ZNF385D: variants seen among roughly 807,000 people sequenced by gnomAD.
ZNF385D encodes zinc finger protein 659.
Under a neutral mutation model 35.8 loss-of-function variants are expected in ZNF385D, and 15 were observed. That is an observed-to-expected ratio of 0.42 (90% confidence interval 0.28 to 0.64). ZNF385D has a LOEUF of 0.64. ZNF385D is among the 30% of genes least tolerant of loss of function. The probability of loss-of-function intolerance (pLI) is 0.23; values close to 1 mark genes in which losing one functional copy is unlikely to be tolerated. For missense variants in ZNF385D, 474 were observed against 494.6 expected (o/e 0.96, Z 0.39); for synonymous variants, 212 against 186.8 (o/e 1.13, Z -1.10).
intron 3 of ZNF385D, among the ~76,000 whole-genome samples, chr3:21,967,566 G>C (rs1702982190): frequency 6.6e-6 from 1 of 152,202 alleles, no homozygotes. Context: ...ATAGAGGGGA[G>C]CTAAATTTTC....
At chr3:22,242,642 G>C (rs1387468699) in intron 2 of ZNF385D, among the ~76,000 whole-genome samples, 1 of 151,104 alleles carries the variant, frequency 6.6e-6, no homozygotes, top group African/African-American at 2.4e-5. Context: ...AGAGACTAAT[G>C]TGACATCGCA....
At chr3:22,329,631 C>T (rs1033554009) in intron 2 of ZNF385D, among the ~76,000 whole-genome samples, 1 of 152,108 alleles carries the variant, frequency 6.6e-6, no homozygotes, top group Non-Finnish European at 1.5e-5. Flanking sequence ...CTCCACCAAT[C>T]CCTCTGATAC....
intron 3 of ZNF385D, among the ~76,000 whole-genome samples, chr3:21,918,275 G>C (rs1261450533): frequency 6.6e-6 from 1 of 152,156 alleles, no homozygotes; most frequent in Non-Finnish European, 1.5e-5. Flanking sequence ...AATTAAGTGT[G>C]TAAACAGAAA....
chr3:22,181,835 T>C (rs778076095), intron 2 of ZNF385D, among the ~76,000 whole-genome samples: 1 of 152,210 alleles, frequency 6.6e-6, no homozygotes, highest in Non-Finnish European at 1.5e-5. Context: ...AGCTTTTTCA[T>C]GTTGTCTTAC....
chr3:21,681,698 G>GAAAAAAAAAAAAAAAAAAAAAAA (rs5847124), intron 1 of ZNF385D, among the ~76,000 whole-genome samples: 1 of 133,224 alleles, frequency 7.5e-6, no homozygotes, highest in African/African-American at 2.8e-5. Flanking sequence ...AAAAAAAAAC[G>GAAAAAAAAAAAAAAAAAAAAAAA]AAAAAAAAAA....
chr3:22,306,553 C>T (rs996613768), intron 2 of ZNF385D, among the ~76,000 whole-genome samples: 10 of 152,006 alleles, frequency 6.6e-5, no homozygotes, highest in African/African-American at 2.2e-4. Context: ...AAGACACTGC[C>T]GTCTATGCAG....
intron 3 of ZNF385D, among the ~76,000 whole-genome samples, chr3:21,514,557 T>C (rs1707439066): frequency 6.6e-6 from 1 of 152,066 alleles, no homozygotes; most frequent in African/African-American, 2.4e-5. Flanking sequence ...TAGCGGAATC[T>C]AAATCAGTCA....
At chr3:22,276,544 T>C (rs1350522587) in intron 2 of ZNF385D, among the ~76,000 whole-genome samples, 1 of 152,138 alleles carries the variant, frequency 6.6e-6, no homozygotes, top group African/African-American at 2.4e-5. Flanking sequence ...TACTTGAAAA[T>C]TGATGACGAT....
At chr3:21,902,901 C>T (rs929465396) in intron 3 of ZNF385D, among the ~76,000 whole-genome samples, 7 of 152,084 alleles carry the variant, frequency 4.6e-5, no homozygotes, top group Non-Finnish European at 1.0e-4. Context: ...GGCTGCTTTA[C>T]TGAAGAGTTT....
Position 21,932,166 on chromosome 3 carries a change from C to CA in ZNF385D, c.325+236650dup, listed in dbSNP as rs543138588. Among the ~76,000 whole-genome samples the CA allele has an allele frequency of 3.3e-3, 181 of 55,334 alleles. 22 individuals carry two copies. Among genetic ancestry groups the CA allele is most frequent in the African/African-American group, 8.6e-3 (109 of 12,628 alleles). 36.3% of individuals were successfully genotyped at this position (55,334 alleles called of 152,430 possible). ...TGGGCGAAAGAGCAAGACTCATTCT[C>CA]AAAAAAAAAAAAAAAAAAAAAAAAA... is the stretch of plus-strand genomic sequence containing the variant. On this transcript the variant is annotated intron_variant, in intron 3 of 5. Transcript: ENST00000494108.
intron 3 of ZNF385D, among the ~76,000 whole-genome samples, chr3:21,806,251 C>G (rs558830195): frequency 3.9e-4 from 57 of 147,124 alleles, no homozygotes; most frequent in Non-Finnish European, 7.8e-4. Context: ...TTATACCAAT[C>G]TAAACTCTTT....
At chr3:21,453,810 A>G (rs1443955142) in intron 4 of ZNF385D, among the ~76,000 whole-genome samples, 2 of 152,062 alleles carry the variant, frequency 1.3e-5, no homozygotes, top group African/African-American at 4.8e-5. Context: ...TAGCTTCTCA[A>G]AAAGTTAAAT....
chr3:22,076,588 TTA>T (rs1190471115), intron 3 of ZNF385D, among the ~76,000 whole-genome samples: 1 of 151,928 alleles, frequency 6.6e-6, no homozygotes, highest in Non-Finnish European at 1.5e-5. Flanking sequence ...TTGTAATTGT[TTA>T]TGTTTCCTAG....
intron 1 of ZNF385D, among the ~76,000 whole-genome samples, chr3:21,670,783 C>T (rs576011902): frequency 2.4e-4 from 36 of 150,420 alleles, no homozygotes; most frequent in African/African-American, 7.3e-4. Flanking sequence ...ATACCCCCTC[C>T]CTCACTAACA....
At chr3:22,071,834 C>T (rs992238607) in intron 3 of ZNF385D, among the ~76,000 whole-genome samples, 4 of 152,048 alleles carry the variant, frequency 2.6e-5, no homozygotes, top group Non-Finnish European at 5.9e-5. Flanking sequence ...AGCAATCATA[C>T]TCTTTTTGCT....
intron 3 of ZNF385D, among the ~76,000 whole-genome samples, chr3:21,852,623 G>A (rs1161177278): frequency 1.4e-4 from 22 of 151,842 alleles, no homozygotes; most frequent in Admixed American, 1.4e-3. Context: ...TTACTATCCT[G>A]AGCATAGCAG....
chr3:22,031,830 C>T (rs1698020889), intron 3 of ZNF385D, among the ~76,000 whole-genome samples: 1 of 152,186 alleles, frequency 6.6e-6, no homozygotes, highest in African/African-American at 2.4e-5. Flanking sequence ...TTCTGCTTCC[C>T]CTTTAAACAT....
intron 2 of ZNF385D, among the ~76,000 whole-genome samples, chr3:21,568,710 T>C (rs905226256): frequency 1.3e-5 from 2 of 152,200 alleles, no homozygotes; most frequent in Non-Finnish European, 2.9e-5. Context: ...TGACTTAATA[T>C]AACCAAGGTT....
chr3:21,421,209 G>C lies in ZNF385D; in HGVS notation c.*5C>G, dbSNP rs372322198. 106 of 1,610,908 alleles carry C rather than the reference G, an allele frequency of 6.6e-5. No individual in the cohort carries two copies. The highest frequency in any genetic ancestry group is 8.2e-5 in the Non-Finnish European group (97 of 1,177,650). ...TATTGCAGTACAATTACTCCTATTTGGAATTTAGTAAGGAGCAAACAGCAC... is the reference window on the plus strand; with the variant it reads ...TATTGCAGTACAATTACTCCTATTTCGAATTTAGTAAGGAGCAAACAGCAC... On this transcript the variant is annotated 3_prime_UTR_variant, in exon 8 of 8. Coordinates refer to ENST00000281523, the MANE Select transcript of ZNF385D (RefSeq NM_024697.3).
Sources: gnomAD v4.1 joint callset for allele counts (sites outside exome capture counted in the v4.1 genomes callset) on GRCh38, gnomAD v4.1.1 for gene constraint, MANE v1.5 for transcripts, NCBI Gene and HGNC (gene_info 2026-07-23, HGNC 2026-07-21) for gene names.